FSIP2: variants seen among roughly 807,000 people sequenced by gnomAD.
FSIP2 encodes fibrous sheath interacting protein 2.
A neutral mutation model predicts 510.5 loss-of-function variants in FSIP2; 367 were observed. The ratio of observed to expected loss-of-function variants is 0.72; its 90% CI spans 0.66 to 0.78. The LOEUF (loss-of-function observed/expected upper bound fraction) is 0.78, where lower values mean the gene tolerates loss of function less well. Among genes scored for constraint, FSIP2 ranks in the 30% least tolerant of loss-of-function variants. FSIP2 has a pLI of 0.00. For synonymous variants in FSIP2, 2,601 were observed against 2,732.2 expected, an observed-to-expected ratio of 0.95 and a Z score of 1.50; for missense variants, 7,594 against 7,901.7, an observed-to-expected ratio of 0.96 and a Z score of 1.48.
intron 9 of FSIP2, among the ~76,000 whole-genome samples, chr2:185,758,806 C>T (rs1489662758): frequency 6.6e-6 from 1 of 151,112 alleles, no homozygotes; most frequent in African/African-American, 2.4e-5. Context: ...CATTCTCTTC[C>T]ATTCTATTGA....
chr2:185,810,691 A>G (rs1693709695), intron 17 of FSIP2, among the ~76,000 whole-genome samples: 1 of 151,828 alleles, frequency 6.6e-6, no homozygotes. Context: ...GTGCTGGAAG[A>G]CACCAGTTCC....
At chr2:185,755,804 A>G (rs1372862699) in intron 8 of FSIP2, among the ~76,000 whole-genome samples, 2 of 151,522 alleles carry the variant, frequency 1.3e-5, no homozygotes, top group East Asian at 3.9e-4. Flanking sequence ...GGGAATATAT[A>G]TGTGCATTTG....
intron 13 of FSIP2, among the ~76,000 whole-genome samples, chr2:185,778,617 T>C (rs1261268844): frequency 1.3e-5 from 2 of 151,950 alleles, no homozygotes; most frequent in Non-Finnish European, 2.9e-5. Context: ...ATCTTTATGA[T>C]ACCAACCATA....
rs1452573433 is a variant in FSIP2 at position 185,806,498 on chromosome 2, C to T, written c.17192C>T (p.Thr5731Ile). Residue 5731 changes from threonine (T) to isoleucine (I), a missense_variant, in exon 17 of 23, where the codon ACA becomes ATA. Transcript: ENST00000424728. ...AGGGATTCGGCACAGTCTGTTACAACAAAAAAAGTATCCTCCTCAACTAAC... is the reference window on the plus strand; with the variant it reads ...AGGGATTCGGCACAGTCTGTTACAATAAAAAAAGTATCCTCCTCAACTAAC... ...ISRDSAQSVT[T>I]KKVSSSTNKN... 3 of 1,597,202 alleles carry T rather than the reference C, an allele frequency of 1.9e-6. No homozygotes were observed. The highest frequency in any genetic ancestry group is 1.4e-5 in the African/African-American group (1 of 73,186).
intron 17 of FSIP2, among the ~76,000 whole-genome samples, chr2:185,811,687 G>C (rs545474860): frequency 2.1e-4 from 32 of 152,160 alleles, no homozygotes; most frequent in African/African-American, 7.5e-4. Context: ...CACTCTGTTT[G>C]ATTTCAGTTC....
At chr2:185,815,134 G>C (rs1159189736) in intron 18 of FSIP2, among the ~76,000 whole-genome samples, 1 of 151,898 alleles carries the variant, frequency 6.6e-6, no homozygotes, top group Non-Finnish European at 1.5e-5. Context: ...CCAGGTTTAT[G>C]TTTAAAATTT....
chr2:185,809,572 T>C (rs1377409455), intron 17 of FSIP2, among the ~76,000 whole-genome samples: 2 of 152,072 alleles, frequency 1.3e-5, no homozygotes, highest in African/African-American at 4.8e-5. Flanking sequence ...ATAGTTTTAA[T>C]TTTCAAATTT....
rs1234413633 is a variant in FSIP2, at chr2:185,789,328, C to A, written c.2192C>A (p.Ala731Asp). The change falls in exon 16 of 23, where the codon GCT becomes GAT. Residue 731 changes from alanine to aspartate, a missense_variant. Ala to Asp is a moderately radical substitution (Grantham distance 126). Transcript: ENST00000424728. ...ATTCCCTCTCTCTCTTCTGTTACTG[C>A]TGAAGTTTTTGTTGAACAATGTGAA... is the stretch of plus-strand genomic sequence containing the variant. ...QAIPSLSSVT[A>D]EVFVEQCERE... 4 of 1,534,774 alleles carry A rather than the reference C, an allele frequency of 2.6e-6. No homozygotes were observed. Among genetic ancestry groups the A allele is most frequent in the Non-Finnish European group, 3.5e-6 (4 of 1,146,012 alleles).
chr2:185,797,422 C>G lies in FSIP2; in HGVS notation c.10286C>G (p.Ala3429Gly). 6.5e-7 allele frequency: 1 copy of G among 1,531,868 alleles called. No individual in the cohort carries two copies. Among genetic ancestry groups the G allele is most frequent in the East Asian group, 2.5e-5 (1 of 40,794 alleles). The allele number at this position is 1,531,868 out of a possible 1,614,324, so 94.9% of individuals were successfully genotyped here. The change falls in exon 16 of 23, where the codon GCC becomes GGC. Residue 3429 changes from alanine (A) to glycine (G), a missense_variant. Physicochemically the swap from Ala to Gly is moderately conservative, Grantham distance 60. Transcript: ENST00000424728. ...PKIETVKEVE[A>G]FTFADHEMGS... is the part of the protein sequence containing the mutation. ...ATAGAGACTGTGAAGGAAGTTGAAG[C>G]CTTTACTTTTGCTGATCATGAAATG... is the stretch of plus-strand genomic sequence containing the variant.
chr2:185,814,189 T>C, intron 18 of FSIP2, 147 bp downstream of exon 18: 1 of 795,644 alleles, frequency 1.3e-6, no homozygotes, highest in Non-Finnish European at 1.9e-6. Flanking sequence ...AGGGAAATTA[T>C]TACCAGGTAC....
At position 185,803,401 on chromosome 2, in the gene FSIP2, G is replaced by C; in HGVS notation, c.14095G>C (p.Asp4699His). The change falls in exon 17 of 23, where the codon GAC becomes CAC. Residue 4699 changes from aspartate (D) to histidine (H), a missense_variant. Physicochemically the swap from Asp to His is moderately conservative, Grantham distance 81 (BLOSUM62 -1). Transcript: ENST00000424728. ...GAGGGATGTAGTCAAAACAATTGTT[G>C]ACATGGTGTACAGCAAAGTTTTGCA... ...VERDVVKTIVDMVYSKVLQEY... is the reference protein window; with the variant it reads ...VERDVVKTIVHMVYSKVLQEY... 1 of 1,533,068 alleles carries C rather than the reference G, an allele frequency of 6.5e-7. No homozygotes were observed. The highest frequency in any genetic ancestry group is 8.7e-7 in the Non-Finnish European group (1 of 1,144,872). The allele number at this position is 1,533,068 out of a possible 1,614,324, so 95.0% of individuals were successfully genotyped here. A position where few individuals can be genotyped will look rare whatever the true frequency, so the allele number is the denominator to read the frequency against.
chr2:185,808,067 A>G lies in FSIP2; in HGVS notation c.18761A>G (p.Asn6254Ser). The G allele has an allele frequency of 6.2e-7, 1 of 1,609,508 alleles. No individual in the cohort carries two copies. The highest frequency in any genetic ancestry group is 8.5e-7 in the Non-Finnish European group (1 of 1,178,358). Reference protein sequence around the residue: ...ADNATIENIVNSIYTSVLKHS... With the variant: ...ADNATIENIVSSIYTSVLKHS... ...AATGCAACTATTGAAAACATAGTTA[A>G]TTCTATTTATACCAGTGTTTTAAAG... The change falls in exon 17 of 23, where the codon AAT (asparagine) becomes AGT (serine). Residue 6254 changes from asparagine (N) to serine (S), a missense_variant. Asn to Ser is a conservative substitution (Grantham distance 46). Transcript: ENST00000424728.
At chr2:185,780,204 A>G (rs1692816304) in intron 13 of FSIP2, among the ~76,000 whole-genome samples, 1 of 151,566 alleles carries the variant, frequency 6.6e-6, no homozygotes. Context: ...TTTCTTTAGT[A>G]TTATTATAAG....
At chr2:185,783,064 C>T (rs1374934099) in intron 14 of FSIP2, among the ~76,000 whole-genome samples, 1 of 152,104 alleles carries the variant, frequency 6.6e-6, no homozygotes, top group African/African-American at 2.4e-5. Flanking sequence ...GGCTTTATTT[C>T]TTTGCTTTTC....
At chr2:185,760,958 C>G in intron 9 of FSIP2, 30 bp from the exon 10 acceptor site, 2 of 735,482 alleles carry the variant, frequency 2.7e-6, no homozygotes, top group African/African-American at 3.8e-5. Flanking sequence ...AAAAAAAAAA[C>G]TATAGAGTTT....
At chr2:185,755,587 C>T (rs1310455218) in intron 8 of FSIP2, among the ~76,000 whole-genome samples, 2 of 151,348 alleles carry the variant, frequency 1.3e-5, no homozygotes, top group African/African-American at 2.4e-5. Context: ...TGTTATCTTC[C>T]AACAAGTAAA....
chr2:185,802,032 G>C lies in FSIP2; in HGVS notation c.12726G>C (p.Met4242Ile). The C allele has an allele frequency of 6.5e-7, 1 of 1,531,114 alleles. No individual in the cohort carries two copies. The highest frequency in any genetic ancestry group is 8.7e-7 in the Non-Finnish European group (1 of 1,144,476). The allele number at this position is 1,531,114 out of a possible 1,614,324, so 94.8% of individuals were successfully genotyped here. A position where few individuals can be genotyped will look rare whatever the true frequency, so the allele number is the denominator to read the frequency against. The change falls in exon 17 of 23, where the codon ATG becomes ATC. Residue 4242 changes from methionine to isoleucine, a missense_variant. Physicochemically the swap from Met to Ile is conservative, Grantham distance 10. Transcript: ENST00000424728. ...GTATAGTAAGCCGAAGCCCAATTAT[G>C]ATTGACCAAATAGCCAGCTTTATCA... Reference protein sequence around the residue: ...QKSIVSRSPIMIDQIASFIIQ... With the variant: ...QKSIVSRSPIIIDQIASFIIQ...
In FSIP2 at chr2:185,795,585, T is replaced by A; in HGVS notation, c.8449T>A (p.Cys2817Ser). 6.5e-7 allele frequency: 1 copy of A among 1,535,144 alleles called. No individual in the cohort carries two copies. Among genetic ancestry groups the A allele is most frequent in the East Asian group, 2.4e-5 (1 of 40,850 alleles). The change falls in exon 16 of 23, where the codon TGT becomes AGT. Residue 2817 changes from cysteine (C) to serine (S), a missense_variant. Transcript: ENST00000424728. ...AGGATCCCTTCCTAAACAACAAGCA[T>A]GTTTTTACTTGGAGAATGTTTCTTC... ...GTGSLPKQQA[C>S]FYLENVSSQL... is the part of the protein sequence containing the mutation.
Position 185,801,845 on chromosome 2 carries a change from G to C in FSIP2, c.12539G>C (p.Cys4180Ser). 5.4e-6 allele frequency: 8 copies of C among 1,485,220 alleles called. No individual in the cohort carries two copies. Among genetic ancestry groups the C allele is most frequent in the African/African-American group, 1.4e-5 (1 of 70,568 alleles). The allele number at this position is 1,485,220 out of a possible 1,614,324, so 92.0% of individuals were successfully genotyped here. The change falls in exon 17 of 23, where the codon TGT (cysteine) becomes TCT (serine). Residue 4180 changes from cysteine (C) to serine (S), a missense_variant. By Grantham distance (112) the Cys-to-Ser change is moderately radical. Coordinates refer to ENST00000424728, the MANE Select transcript of FSIP2 (RefSeq NM_173651.4). ...MSSDFNEMST[C>S]IINKVMSAIS... ...TCTGATTTTAATGAAATGTCCACTTGTATAATAAATAAGGTTATGTCAGCC... is the reference window on the plus strand; with the variant it reads ...TCTGATTTTAATGAAATGTCCACTTCTATAATAAATAAGGTTATGTCAGCC...
Sources: allele counts gnomAD v4.1 joint callset (sites outside exome capture counted in the v4.1 genomes callset), GRCh38; gene constraint gnomAD v4.1.1; transcripts MANE v1.5; gene names NCBI Gene and HGNC (gene_info 2026-07-23, HGNC 2026-07-21).